KIF1A: variants seen among roughly 807,000 people sequenced by gnomAD.
KIF1A encodes the protein kinesin-like protein KIF1A.
Under a neutral mutation model 227.3 loss-of-function variants are expected in KIF1A, and 46 were observed. That is an observed-to-expected ratio of 0.20 (90% CI 0.16 to 0.26). The LOEUF (loss-of-function observed/expected upper bound fraction) is 0.26, where lower values mean the gene tolerates loss of function less well. Ranked by LOEUF, KIF1A falls within the 10% of genes least tolerant of loss-of-function variation. The pLI, the probability that KIF1A is intolerant of heterozygous loss-of-function variation, is 1.00. For synonymous variants in KIF1A, 1,022 were observed against 1,012.8 expected, an observed-to-expected ratio of 1.01 and a Z score of -0.17; for missense variants, 1,683 against 2,485.9, an observed-to-expected ratio of 0.68 and a Z score of 6.87.
rs1457910416 is a variant in KIF1A, at chr2:240,760,876, C to A, written c.2266-33G>T. ...AGGGGAAGATGACCACTCGTCAGCT[C>A]CTTGGGGGACAGGGTGCCAGGTCCC... On this transcript the variant is annotated intron_variant, in intron 24 of 48. Transcript: ENST00000498729. The A allele has an allele frequency of 1.9e-6, 3 of 1,582,940 alleles. No individual in the cohort carries two copies. In the African/African-American group the frequency reaches 4.1e-5, roughly 22 times the overall value.
chr2:240,724,070 C>T, intron 40 of KIF1A, 34 bp from the exon 41 acceptor site: 1 of 1,584,820 alleles, frequency 6.3e-7, no homozygotes, highest in South Asian at 1.1e-5. Flanking sequence ...ATGCAGTCAC[C>T]AGGCCCCGCA....
rs916993059 is a variant in KIF1A at position 240,720,969 on chromosome 2, G to C, written c.4813C>G (p.Pro1605Ala). ...ACCAGAGAGGGGCAAGTGGAGGAGGGGGTGAGAGTGGCCACCCCTAGAGGG... is the reference window on the plus strand; with the variant it reads ...ACCAGAGAGGGGCAAGTGGAGGAGGCGGTGAGAGTGGCCACCCCTAGAGGG... The part of the protein sequence containing the change: ...MSPLGVATLT[P>A]SSTCPSLVEG... Residue 1605 changes from proline (P) to alanine (A), a missense_variant, in exon 45 of 49, where the codon CCC becomes GCC. Physicochemically the swap from Pro to Ala is conservative, Grantham distance 27. Coordinates refer to ENST00000498729, the MANE Select transcript of KIF1A (RefSeq NM_001244008.2). 2 of 1,605,330 alleles carry C rather than the reference G, an allele frequency of 1.2e-6. No homozygotes were observed. The highest frequency in any genetic ancestry group is 1.3e-5 in the African/African-American group (1 of 74,966).
chr2:240,799,394 G>A (rs74002937), intron 1 of KIF1A, among the ~76,000 whole-genome samples: 10,705 of 152,252 alleles, frequency 0.07, 464 homozygotes, highest in East Asian at 0.14. Context: ...CAGGCAAACA[G>A]CTCTTCCAGA....
At position 240,717,326 on chromosome 2, in the gene KIF1A, T is replaced by C. The variant is rs772148613; in HGVS notation, c.*38A>G. On this transcript the variant is annotated 3_prime_UTR_variant, in exon 49 of 49. Coordinates refer to ENST00000498729, the MANE Select transcript of KIF1A (RefSeq NM_001244008.2). The stretch of plus-strand genomic sequence containing the variant: ...GGACAGACGAGGATGAGGGAGGGGA[T>C]GGGCTGGGCCTGCCGGCTGTCACGG... The C allele has an allele frequency of 9.4e-6, 15 of 1,591,316 alleles. No homozygotes were observed. Among genetic ancestry groups the C allele is most frequent in the Non-Finnish European group, 1.7e-6 (2 of 1,163,154 alleles).
In KIF1A at chr2:240,750,501, G is replaced by C. The variant is rs754978073; in HGVS notation, c.2905C>G (p.His969Asp). The change falls in exon 28 of 49, where the codon CAC becomes GAC. Residue 969 changes from histidine (H) to aspartate (D), a missense_variant. This residue lies in a region of KIF1A where 759 missense variants were observed against 1,020.2 expected (regional missense o/e 0.74). Coordinates refer to ENST00000498729, the MANE Select transcript of KIF1A (RefSeq NM_001244008.2). ...TTCTCGCTGACGATTGCCACACGGTGTACCAGGGGAACGGGGTACAGCAGG... is the reference window on the plus strand; with the variant it reads ...TTCTCGCTGACGATTGCCACACGGTCTACCAGGGGAACGGGGTACAGCAGG... ...SNLLYPVPLV[H>D]RVAIVSEKGE... 4 of 1,613,950 alleles carry C rather than the reference G, an allele frequency of 2.5e-6. No individual in the cohort carries two copies. The highest frequency in any genetic ancestry group is 2.2e-5 in the South Asian group (2 of 91,086).
chr2:240,820,402 C>G (rs1469041661), upstream of KIF1A: 1 of 150,764 alleles, frequency 6.6e-6, no homozygotes, highest in Non-Finnish European at 1.5e-5. The surrounding 1 kb of genome is among the most constrained non-coding windows in gnomAD (Gnocchi z 6.2). Context: ...GGGCCGGGGC[C>G]GGGCTGTGAC....
intron 29 of KIF1A, 85 bp from the exon 30 acceptor site, chr2:240,746,262 G>A (rs971218087): frequency 3.1e-5 from 46 of 1,490,218 alleles, no homozygotes; most frequent in Non-Finnish European, 3.9e-5. Flanking sequence ...CCCACGGGAG[G>A]GCTGTGCCAC....
chr2:240,737,303 A>AG, intron 37 of KIF1A, 135 bp from the exon 38 acceptor site: 2 of 689,754 alleles, frequency 2.9e-6, no homozygotes, highest in Admixed American at 2.0e-5. Flanking sequence ...AGGCGGTGCC[A>AG]GGGGGAACAG....
chr2:240,785,055 G>A lies in KIF1A; in HGVS notation c.654C>T (p.His218=), dbSNP rs751380608. 1.9e-5 allele frequency: 31 copies of A among 1,613,412 alleles called. No homozygotes were observed. Among genetic ancestry groups the A allele is most frequent in the African/African-American group, 1.7e-4 (13 of 74,940 alleles). Reference sequence around the variant, plus strand: ...GGGTGAAGATGATGTTGAAGACGGCGTGGGAGCGACTGCTGGTCTCATTCA... The same window carrying A: ...GGGTGAAGATGATGTTGAAGACGGCATGGGAGCGACTGCTGGTCTCATTCA... The part of the protein sequence containing the change: ...TNMNETSSRS[H]AVFNIIFTQK... Residue 218 remains histidine, a synonymous_variant, in exon 7 of 49, where the codon CAC becomes CAT. Coordinates refer to ENST00000498729, the MANE Select transcript of KIF1A (RefSeq NM_001244008.2).
At chr2:240,764,169 G>A (rs2050863961) in intron 20 of KIF1A, among the ~76,000 whole-genome samples, 1 of 152,134 alleles carries the variant, frequency 6.6e-6, no homozygotes, top group African/African-American at 2.4e-5. Flanking sequence ...GCCCGTGCCT[G>A]CAGGTCTGTC....
Position 240,761,279 on chromosome 2 carries a change from C to T in KIF1A, c.2215G>A (p.Ala739Thr), listed in dbSNP as rs1373179079. 1.9e-6 allele frequency: 3 copies of T among 1,613,728 alleles called. No homozygotes were observed. The highest frequency in any genetic ancestry group is 1.3e-5 in the African/African-American group (1 of 74,950). Residue 739 changes from alanine (A) to threonine (T), a missense_variant, in exon 24 of 49, where the codon GCC becomes ACC. Transcript: ENST00000498729. ...GCATTGGCCTCCTTGAGGAAGATGG[C>T]GTTGCCCCACAGCAGGTCCCGCAGA... Reference protein sequence around the residue: ...TSLRDLLWGNAIFLKEANAIS... With the variant: ...TSLRDLLWGNTIFLKEANAIS...
chr2:240,738,835 C>G (rs2047645292), intron 37 of KIF1A, among the ~76,000 whole-genome samples: 1 of 152,240 alleles, frequency 6.6e-6, no homozygotes, highest in African/African-American at 2.4e-5. Context: ...ATCCAGCTTC[C>G]CCTCTTCCTT....
intron 1 of KIF1A, among the ~76,000 whole-genome samples, chr2:240,805,202 G>C (rs2057320942): frequency 6.6e-6 from 1 of 151,356 alleles, no homozygotes; most frequent in African/African-American, 2.4e-5. Flanking sequence ...AAAGGGAAGA[G>C]AGGGATTAGA....
At chr2:240,785,177 T>C in intron 6 of KIF1A, 77 bp from the exon 7 acceptor site, 1 of 1,208,378 alleles carries the variant, frequency 8.3e-7, no homozygotes, top group East Asian at 2.4e-5. Flanking sequence ...GCCAGCCCTC[T>C]GAACCAGGTC....
chr2:240,758,821 G>A lies in KIF1A; in HGVS notation c.2445-324C>T, dbSNP rs1447779891. On this transcript the variant is annotated intron_variant, in intron 25 of 48. Transcript: ENST00000498729. The surrounding 1 kb of genome is among the most constrained non-coding windows in gnomAD (Gnocchi z 5.2). Reference sequence around the variant, plus strand: ...GCTGCTGGAAAGCTGGCGGAGAGGTGGGAAGAGAACCCAAGTGAAGCTCAG... The same window carrying A: ...GCTGCTGGAAAGCTGGCGGAGAGGTAGGAAGAGAACCCAAGTGAAGCTCAG... Among the ~76,000 whole-genome samples, 1 of 152,202 alleles carries A rather than the reference G, an allele frequency of 6.6e-6. No homozygotes were observed. Among genetic ancestry groups the A allele is most frequent in the Non-Finnish European group, 1.5e-5 (1 of 68,034 alleles).
chr2:240,746,498 T>G (rs2048615798), intron 29 of KIF1A, among the ~76,000 whole-genome samples: 1 of 152,174 alleles, frequency 6.6e-6, no homozygotes, highest in Non-Finnish European at 1.5e-5. Flanking sequence ...CAGGGCCCCT[T>G]GTCCAGCAGG....
intron 27 of KIF1A, among the ~76,000 whole-genome samples, chr2:240,751,820 G>A (rs889365741): frequency 1.3e-5 from 2 of 151,958 alleles, no homozygotes; most frequent in Non-Finnish European, 2.9e-5. Context: ...TGGATGCCCC[G>A]GGTGTCTCTG....
Position 240,750,492 on chromosome 2 carries a change from C to G in KIF1A, c.2914G>C (p.Ala972Pro). The part of the protein sequence containing the change: ...LYPVPLVHRV[A>P]IVSEKGEVKG... ...ACCTCGCCCTTCTCGCTGACGATTG[C>G]CACACGGTGTACCAGGGGAACGGGG... Residue 972 changes from alanine to proline, a missense_variant, in exon 28 of 49, where the codon GCA becomes CCA. Physicochemically the swap from Ala to Pro is conservative, Grantham distance 27. Coordinates refer to ENST00000498729, the MANE Select transcript of KIF1A (RefSeq NM_001244008.2). 1 of 1,613,930 alleles carries G rather than the reference C, an allele frequency of 6.2e-7. No homozygotes were observed. Among genetic ancestry groups the G allele is most frequent in the South Asian group, 1.1e-5 (1 of 91,086 alleles).
chr2:240,776,367 G>A (rs990643100), intron 10 of KIF1A, among the ~76,000 whole-genome samples: 1 of 152,192 alleles, frequency 6.6e-6, no homozygotes, highest in Non-Finnish European at 1.5e-5. Context: ...AGGCCCCTAT[G>A]GCCTCTGCCA....
Sources: allele counts gnomAD v4.1 joint callset (sites outside exome capture counted in the v4.1 genomes callset), GRCh38; gene constraint gnomAD v4.1.1; regional missense constraint gnomAD v4.1.1; non-coding constraint Gnocchi (gnomAD v3.1); transcripts MANE v1.5; gene names NCBI Gene and HGNC (gene_info 2026-07-23, HGNC 2026-07-21).